The following JPH2 variants were observed in gnomAD, a reference collection of about 807,000 sequenced individuals.
JPH2 encodes the protein junctophilin 2.
Under a neutral mutation model 55.9 loss-of-function variants are expected in JPH2, and 38 were observed. That is an observed-to-expected ratio of 0.68 (90% CI 0.52 to 0.89). The LOEUF is 0.89. Ranked by LOEUF, JPH2 falls within the 40% of genes least tolerant of loss-of-function variation. JPH2 has a pLI of 0.00. For missense variants in JPH2, 964 were observed against 1,037.6 expected, an observed-to-expected ratio of 0.93 and a Z score of 0.97; for synonymous variants, 480 against 472.4, an observed-to-expected ratio of 1.02 and a Z score of -0.21.
chr20:44,150,031 G>T (rs1328922954), intron 2 of JPH2, among the ~76,000 whole-genome samples: 1 of 149,000 alleles, frequency 6.7e-6, no homozygotes, highest in Non-Finnish European at 1.5e-5. Context: ...CATGCCCCCT[G>T]ATGTGATACA....
At position 44,160,459 on chromosome 20, in the gene JPH2, G is replaced by A. The variant is rs1346311968; in HGVS notation, c.380-52C>T. 6.3e-7 allele frequency: 1 copy of A among 1,579,080 alleles called. No individual in the cohort carries two copies. Among genetic ancestry groups the A allele is most frequent in the Non-Finnish European group, 8.6e-7 (1 of 1,162,336 alleles). On this transcript the variant is annotated intron_variant, in intron 1 of 5. Transcript: ENST00000372980. This position sits in a 1 kb window ranked among gnomAD's most constrained non-coding sequence, Gnocchi z 4.9. The stretch of plus-strand genomic sequence containing the variant: ...TAGGCGGCACGACGGGTCCCCGCGT[G>A]TGCACGGTGGCCTGGGAGGGCAAGG...
intron 1 of JPH2, among the ~76,000 whole-genome samples, chr20:44,182,602 G>T (rs6130559): frequency 6.6e-6 from 1 of 152,018 alleles, no homozygotes; most frequent in Non-Finnish European, 1.5e-5. Flanking sequence ...GCACTGCCTC[G>T]GGGCCTTTGC....
Position 44,181,531 on chromosome 20 carries a change from C to T in JPH2, c.379+4796G>A, listed in dbSNP as rs528421697. On this transcript the variant is annotated intron_variant, in intron 1 of 5. Transcript: ENST00000372980. Reference sequence around the variant, plus strand: ...TCACCATCCACTAATGCGTTGTCCTCTCCAGTTTGGAAGACTGCTGTTTCC... The same window carrying T: ...TCACCATCCACTAATGCGTTGTCCTTTCCAGTTTGGAAGACTGCTGTTTCC... Among the ~76,000 whole-genome samples, 14 of 152,354 alleles carry T rather than the reference C, an allele frequency of 9.2e-5. No homozygotes were observed. Among genetic ancestry groups the T allele is most frequent in the Admixed American group, 5.9e-4 (9 of 15,302 alleles).
chr20:44,145,049 G>C (rs2072483919), intron 2 of JPH2, among the ~76,000 whole-genome samples: 2 of 152,200 alleles, frequency 1.3e-5, no homozygotes, highest in South Asian at 4.1e-4. Flanking sequence ...TGCAGGACTA[G>C]AGCCCAGGCC....
At chr20:44,116,817 C>T (rs2072196604) in intron 3 of JPH2, among the ~76,000 whole-genome samples, 1 of 152,218 alleles carries the variant, frequency 6.6e-6, no homozygotes, top group South Asian at 2.1e-4. Context: ...AGGCGGAGCT[C>T]AGGGCCCCGC....
In JPH2 at chr20:44,115,953, C is replaced by T. The variant is rs769828263; in HGVS notation, c.1722G>A (p.Thr574=). 26 of 1,570,112 alleles carry T rather than the reference C, an allele frequency of 1.7e-5. No homozygotes were observed. The highest frequency in any genetic ancestry group is 2.1e-5 in the Non-Finnish European group (24 of 1,165,188). The change falls in exon 4 of 6, where the codon ACG becomes ACA. Residue 574 remains threonine (T), a synonymous_variant. Transcript: ENST00000372980. ...QGYHSYAVRT[T]PPEPPPFEDQ... Reference sequence around the variant, plus strand: ...CCTCAAAGGGTGGGGGCTCGGGCGGCGTGGTGCGCACAGCATAGCTGTGGT... The same window carrying T: ...CCTCAAAGGGTGGGGGCTCGGGCGGTGTGGTGCGCACAGCATAGCTGTGGT...
intron 1 of JPH2, among the ~76,000 whole-genome samples, chr20:44,162,777 TATATATATATACACAC>T (rs1569212140): frequency 1.2e-5 from 1 of 80,504 alleles, no homozygotes; most frequent in African/African-American, 5.3e-5. Context: ...TATATATATA[TATATATATATACACAC>T]ACACACACAC....
chr20:44,175,005 A>G (rs796556280), intron 1 of JPH2, among the ~76,000 whole-genome samples: 1 of 152,070 alleles, frequency 6.6e-6, no homozygotes, highest in South Asian at 2.1e-4. Context: ...TCAAATTAAA[A>G]AAAAAGAAAA....
At chr20:44,149,952 G>A (rs1194130206) in intron 2 of JPH2, among the ~76,000 whole-genome samples, 2 of 115,688 alleles carry the variant, frequency 1.7e-5, no homozygotes, top group Non-Finnish European at 3.4e-5. Flanking sequence ...ACTCCAGCCT[G>A]GGCGACAGAG....
chr20:44,123,997 C>T (rs1407055040), intron 2 of JPH2, among the ~76,000 whole-genome samples: 1 of 152,146 alleles, frequency 6.6e-6, no homozygotes, highest in African/African-American at 2.4e-5. Flanking sequence ...GGATCCATGC[C>T]TCTGGGTGAG....
rs1358159569 is a variant in JPH2 at position 44,187,148 on chromosome 20, G to T, written c.-443C>A. 2 of 191,522 alleles carry T rather than the reference G, an allele frequency of 1.0e-5. No individual in the cohort carries two copies. Among genetic ancestry groups the T allele is most frequent in the Admixed American group, 5.5e-5 (1 of 18,344 alleles). 11.9% of individuals were successfully genotyped at this position (191,522 alleles called of 1,614,324 possible). On this transcript the variant is annotated 5_prime_UTR_variant, in exon 1 of 6. Coordinates refer to ENST00000372980, the MANE Select transcript of JPH2 (RefSeq NM_020433.5). Reference sequence around the variant, plus strand: ...GCCGGAGGCTGAATTCCCGCAGCCCGCTGGCCCCCTTCTCCACCCCAGTGG... The same window carrying T: ...GCCGGAGGCTGAATTCCCGCAGCCCTCTGGCCCCCTTCTCCACCCCAGTGG...
chr20:44,154,876 G>T (rs2145874979), intron 2 of JPH2, among the ~76,000 whole-genome samples: 1 of 152,262 alleles, frequency 6.6e-6, no homozygotes, highest in Non-Finnish European at 1.5e-5. Flanking sequence ...ATCTCCATGG[G>T]CACGCAGGAC....
chr20:44,131,022 T>C (rs539469000), intron 2 of JPH2, among the ~76,000 whole-genome samples: 2 of 152,240 alleles, frequency 1.3e-5, no homozygotes, highest in South Asian at 2.1e-4. Context: ...ATTGGTTTTC[T>C]CTTCTTCAAA....
In JPH2 at chr20:44,118,399, C is replaced by T. The variant is rs185982531; in HGVS notation, c.1288+106G>A. The T allele has an allele frequency of 4.0e-4, 354 of 889,204 alleles. 2 individuals are homozygous for T. The East Asian group carries it at 7.2e-3, about 18-fold the overall frequency. 55.1% of individuals were successfully genotyped at this position (889,204 alleles called of 1,614,324 possible). A position where few individuals can be genotyped will look rare whatever the true frequency, so the allele number is the denominator to read the frequency against. ...ACCATGCCCCAGTTTCTGAGACTCA[C>T]GGGCATCCAGGAAACCACTTGGGCA... On this transcript the variant is annotated intron_variant, in intron 3 of 5. Coordinates refer to ENST00000372980, the MANE Select transcript of JPH2 (RefSeq NM_020433.5).
At position 44,132,355 on chromosome 20, in the gene JPH2, G is replaced by GACACAC. The variant is rs749014190; in HGVS notation, c.1170-13738_1170-13733dup. On this transcript the variant is annotated intron_variant, in intron 2 of 5. Coordinates refer to ENST00000372980, the MANE Select transcript of JPH2 (RefSeq NM_020433.5). ...GAGGTGGAAGGGAGGCAGACAGACA[G>GACACAC]ACACACACACACACACACACACACA... Among the ~76,000 whole-genome samples the GACACAC allele has an allele frequency of 6.6e-3, 667 of 101,224 alleles. 10 individuals carry two copies. The highest frequency in any genetic ancestry group is 8.6e-3 in the Admixed American group (89 of 10,296). 66.4% of individuals were successfully genotyped at this position (101,224 alleles called of 152,430 possible).
intron 1 of JPH2, among the ~76,000 whole-genome samples, chr20:44,163,665 G>T (rs1361836080): frequency 7.2e-5 from 11 of 152,212 alleles, no homozygotes; most frequent in Admixed American, 7.2e-4. Context: ...CAAGGAAATG[G>T]GATCCAAGCC....
Position 44,186,964 on chromosome 20 carries a change from G to T in JPH2, c.-259C>A. On this transcript the variant is annotated 5_prime_UTR_variant, in exon 1 of 6. Transcript: ENST00000372980. ...AGGCTGCCTGCTGGAAAGAAAGCAG[G>T]AAGGAAAGGTTCAAAGTCCCCACAA... 3 of 577,422 alleles carry T rather than the reference G, an allele frequency of 5.2e-6. No individual in the cohort carries two copies. The highest frequency in any genetic ancestry group is 9.3e-6 in the Non-Finnish European group (3 of 323,766). The allele number at this position is 577,422 out of a possible 1,614,324, so 35.8% of individuals were successfully genotyped here.
intron 1 of JPH2, among the ~76,000 whole-genome samples, chr20:44,169,066 C>T (rs879449727): frequency 6.6e-6 from 1 of 152,150 alleles, no homozygotes; most frequent in Non-Finnish European, 1.5e-5. Context: ...TGAGTGGAAG[C>T]AGCCTGAGGC....
At chr20:44,176,014 C>T (rs1210990904) in intron 1 of JPH2, among the ~76,000 whole-genome samples, 1 of 152,194 alleles carries the variant, frequency 6.6e-6, no homozygotes, top group African/African-American at 2.4e-5. Flanking sequence ...AACCCTCACC[C>T]CATCTCAGTT....
Sources: gnomAD v4.1 joint callset for allele counts (sites outside exome capture counted in the v4.1 genomes callset) on GRCh38, gnomAD v4.1.1 for gene constraint, Gnocchi (gnomAD v3.1) non-coding constraint, MANE v1.5 for transcripts, NCBI Gene and HGNC (gene_info 2026-07-23, HGNC 2026-07-21) for gene names.